Variants in NAV2 observed in about 807,000 individuals in gnomAD.
NAV2 encodes neuron navigator 2, also known as helicase, APC down-regulated 1.
In NAV2, 54 loss-of-function variants were observed where a neutral mutation model predicts 223.2. That is an observed-to-expected ratio of 0.24 (90% CI 0.19 to 0.30). NAV2 has a LOEUF of 0.30. NAV2 is among the 10% of genes least tolerant of loss of function. NAV2 has a pLI of 1.00. For synonymous variants in NAV2, 1,279 were observed against 1,239.3 expected, an observed-to-expected ratio of 1.03 and a Z score of -0.67; for missense variants, 2,806 against 3,147.5, an observed-to-expected ratio of 0.89 and a Z score of 2.60.
intron 1 of NAV2, among the ~76,000 whole-genome samples, chr11:19,615,061 G>A (rs1178628806): frequency 6.6e-6 from 1 of 152,092 alleles, no homozygotes; most frequent in Non-Finnish European, 1.5e-5. Context: ...CAAACTGAAG[G>A]AAGCTCAGAA....
chr11:20,043,951 A>G (rs1477830087), intron 12 of NAV2, 30 bp from the exon 13 acceptor site: 1 of 1,596,264 alleles, frequency 6.3e-7, no homozygotes, highest in Admixed American at 1.7e-5. Flanking sequence ...GGACTGGGGA[A>G]GGACTAATTC....
At chr11:19,980,167 C>A (rs2050169002) in intron 10 of NAV2, among the ~76,000 whole-genome samples, 2 of 152,224 alleles carry the variant, frequency 1.3e-5, no homozygotes, top group Admixed American at 6.5e-5. Context: ...AAACACCCCA[C>A]AGACACCTTG....
intron 3 of NAV2, among the ~76,000 whole-genome samples, chr11:19,861,701 A>G (rs1294421083): frequency 6.6e-6 from 1 of 152,224 alleles, no homozygotes; most frequent in Non-Finnish European, 1.5e-5. Context: ...CTTAGCCCTA[A>G]TCATTCCCCT....
At chr11:19,479,286 C>A (rs977083086) in intron 1 of NAV2, among the ~76,000 whole-genome samples, 2 of 152,120 alleles carry the variant, frequency 1.3e-5, no homozygotes, top group African/African-American at 4.8e-5. Flanking sequence ...GCTAGTTTTC[C>A]CCCTCCTCAA....
chr11:19,637,785 A>G (rs544081141), intron 1 of NAV2, among the ~76,000 whole-genome samples: 191 of 152,202 alleles, frequency 1.3e-3, no homozygotes, highest in African/African-American at 3.9e-3. Flanking sequence ...TGAGGCAAAC[A>G]CCTCCCACTG....
intron 11 of NAV2, among the ~76,000 whole-genome samples, chr11:19,995,093 A>T (rs2051740555): frequency 6.6e-6 from 1 of 152,238 alleles, no homozygotes; most frequent in Non-Finnish European, 1.5e-5. Flanking sequence ...ACCTTGTTCT[A>T]TACCTGGCTC....
chr11:19,995,726 C>G (rs967746936), intron 11 of NAV2, among the ~76,000 whole-genome samples: 4 of 152,174 alleles, frequency 2.6e-5, no homozygotes, highest in African/African-American at 7.2e-5. Flanking sequence ...GGATTTTGTT[C>G]TAATTGGAGC....
Position 19,923,063 on chromosome 11 carries a change from G to A in NAV2, c.932-10113G>A, listed in dbSNP as rs1348238994. ...TATACCTTATGGGTGTTTAATGCTC[G>A]AATGCATGAAAGAATCCCACATTTT... On this transcript the variant is annotated intron_variant, in intron 6 of 37. Coordinates refer to ENST00000349880, the MANE Select transcript of NAV2 (RefSeq NM_145117.5). Among the ~76,000 whole-genome samples the A allele has an allele frequency of 7.9e-5, 12 of 152,216 alleles. 1 individual carries two copies. The Middle Eastern group carries it at 0.027, about 345-fold the overall frequency.
intron 11 of NAV2, among the ~76,000 whole-genome samples, chr11:20,023,699 G>GGTGGGTGTGTGT (rs1554902315): frequency 6.9e-5 from 10 of 144,572 alleles, no homozygotes; most frequent in Non-Finnish European, 1.1e-4. Flanking sequence ...CAAATTGCTG[G>GGTGGGTGTGTGT]GTGTGTGTGT....
chr11:19,948,127 G>C (rs2625328), intron 9 of NAV2, among the ~76,000 whole-genome samples: 149,804 of 152,026 alleles, frequency 0.99, 73,841 homozygotes, highest in Middle Eastern at 1. Flanking sequence ...CTCTCTGTCG[G>C]CAGGCTGGAG....
intron 1 of NAV2, among the ~76,000 whole-genome samples, chr11:19,659,047 T>C (rs1388184103): frequency 6.6e-6 from 1 of 152,194 alleles, no homozygotes; most frequent in Non-Finnish European, 1.5e-5. Flanking sequence ...GTGAGTTAAA[T>C]AGACATATTG....
At chr11:19,457,319 C>G (rs1342898410) in intron 1 of NAV2, among the ~76,000 whole-genome samples, 1 of 152,164 alleles carries the variant, frequency 6.6e-6, no homozygotes, top group East Asian at 1.9e-4. Flanking sequence ...GGTCAGGGAA[C>G]ACATCTCTAA....
chr11:19,944,709 C>G (rs1298441598), intron 8 of NAV2, among the ~76,000 whole-genome samples: 4 of 117,096 alleles, frequency 3.4e-5, no homozygotes, highest in Admixed American at 1.1e-4. Flanking sequence ...TCCTTCTTTC[C>G]TTCCTTCCTT....
chr11:19,653,896 C>T lies in NAV2; in HGVS notation c.76-178588C>T, dbSNP rs2048042816. ...GGGCAGAGCCACTCCACCTCCCACA[C>T]TCCCCTGGATGATCAGACAGGATAG... On this transcript the variant is annotated intron_variant, in intron 1 of 37. Coordinates refer to the NAV2 transcript ENST00000360655. Among the ~76,000 whole-genome samples the T allele has an allele frequency of 3.3e-5, 5 of 152,196 alleles. No homozygotes were observed. In the South Asian group the frequency reaches 1.0e-3, roughly 32 times the overall value.
chr11:20,096,812 A>G (rs551849609), intron 30 of NAV2, among the ~76,000 whole-genome samples: 32 of 152,332 alleles, frequency 2.1e-4, no homozygotes, highest in Non-Finnish European at 3.4e-4. Context: ...CAGAGAAGAC[A>G]TATGAATGGC....
chr11:19,715,431 T>C (rs572173302), intron 1 of NAV2, among the ~76,000 whole-genome samples: 11 of 152,056 alleles, frequency 7.2e-5, no homozygotes, highest in African/African-American at 2.7e-4. Flanking sequence ...CTGCATGGGG[T>C]TTCCCTTCAT....
chr11:19,873,492 A>G (rs1047259062), intron 4 of NAV2, among the ~76,000 whole-genome samples: 6 of 152,178 alleles, frequency 3.9e-5, no homozygotes, highest in Non-Finnish European at 8.8e-5. Flanking sequence ...CATTGGATAA[A>G]CAAAAGTAGG....
At chr11:19,882,479 A>G (rs2063274377) in intron 5 of NAV2, among the ~76,000 whole-genome samples, 1 of 152,180 alleles carries the variant, frequency 6.6e-6, no homozygotes, top group Admixed American at 6.5e-5. Context: ...AGAAAGGAGC[A>G]TTCTACAAAC....
At chr11:19,622,916 C>T (rs1470407729) in intron 1 of NAV2, among the ~76,000 whole-genome samples, 2 of 152,144 alleles carry the variant, frequency 1.3e-5, no homozygotes, top group Non-Finnish European at 2.9e-5. Flanking sequence ...TTGTTCCTTT[C>T]CATGTTTAGT....
Sources: gnomAD v4.1 joint callset for allele counts (sites outside exome capture counted in the v4.1 genomes callset) on GRCh38, gnomAD v4.1.1 for gene constraint, MANE v1.5 for transcripts, NCBI Gene and HGNC (gene_info 2026-07-23, HGNC 2026-07-21) for gene names.